Variants in TNRC18 observed in about 807,000 individuals in gnomAD.
TNRC18 encodes the protein trinucleotide repeat-containing gene 18 protein.
A neutral mutation model predicts 226.7 loss-of-function variants in TNRC18; 69 were observed. The ratio of observed to expected loss-of-function variants is 0.30; its 90% CI spans 0.25 to 0.37. TNRC18 has a LOEUF of 0.37. TNRC18 is among the 10% of genes least tolerant of loss of function. TNRC18 has a pLI of 1.00. For synonymous variants in TNRC18, 2,449 were observed against 1,927.6 expected (o/e 1.27, Z -7.09); for missense variants, 4,754 against 4,256.6 (o/e 1.12, Z -3.25).
chr7:5,377,354 C>A lies in TNRC18; in HGVS notation c.2461+17G>T. 1 of 1,526,980 alleles carries A rather than the reference C, an allele frequency of 6.5e-7. No individual in the cohort carries two copies. Among genetic ancestry groups the A allele is most frequent in the East Asian group, 2.4e-5 (1 of 41,508 alleles). 94.6% of individuals were successfully genotyped at this position (1,526,980 alleles called of 1,614,324 possible). A position where few individuals can be genotyped will look rare whatever the true frequency, so the allele number is the denominator to read the frequency against. On this transcript the variant is annotated intron_variant, in intron 7 of 29. Transcript: ENST00000430969. This position sits in a 1 kb window ranked among gnomAD's most constrained non-coding sequence, Gnocchi z 5.8. ...CCTCCCTCAGAGAAGGGGAGAGACCCTGTGCCCCACACTCACCGTAGGGGT... is the reference window on the plus strand; with the variant it reads ...CCTCCCTCAGAGAAGGGGAGAGACCATGTGCCCCACACTCACCGTAGGGGT...
At chr7:5,337,551 T>A (rs147721661) in intron 18 of TNRC18, among the ~76,000 whole-genome samples, 29 of 149,964 alleles carry the variant, frequency 1.9e-4, no homozygotes, top group African/African-American at 6.6e-4. Flanking sequence ...CTAAATGAAG[T>A]TCTTTGGGCT....
intron 3 of TNRC18, among the ~76,000 whole-genome samples, chr7:5,392,978 C>T (rs771683437): frequency 3.9e-5 from 6 of 152,182 alleles, no homozygotes; most frequent in Non-Finnish European, 7.3e-5. Flanking sequence ...CACCACTGCA[C>T]TCCAGTCTGG....
intron 11 of TNRC18, 119 bp downstream of exon 11, chr7:5,370,256 G>A: frequency 8.2e-7 from 1 of 1,222,050 alleles, no homozygotes. Flanking sequence ...CCAGGAGTTT[G>A]AGGCTGCAGT....
chr7:5,401,672 T>G (rs536916407), intron 2 of TNRC18, among the ~76,000 whole-genome samples: 1 of 152,340 alleles, frequency 6.6e-6, no homozygotes, highest in Admixed American at 6.5e-5. Context: ...AATAAAACTT[T>G]ATTTACAAAA....
chr7:5,372,224 T>C (rs1794223729), intron 10 of TNRC18, among the ~76,000 whole-genome samples: 1 of 150,728 alleles, frequency 6.6e-6, no homozygotes, highest in African/African-American at 2.4e-5. Context: ...CCCGCCACCA[T>C]GCCTGGCTAA....
intron 12 of TNRC18, 102 bp from the exon 13 acceptor site, chr7:5,362,135 G>T: frequency 7.0e-7 from 1 of 1,424,736 alleles, no homozygotes. Context: ...AGACTGCACT[G>T]GGAGCTGGGG....
intron 2 of TNRC18, among the ~76,000 whole-genome samples, chr7:5,401,487 C>T (rs1781088179): frequency 6.6e-6 from 1 of 152,172 alleles, no homozygotes; most frequent in African/African-American, 2.4e-5. Flanking sequence ...GCAACTTACC[C>T]TGCCACGCCC....
chr7:5,362,355 C>G (rs1341340469), intron 12 of TNRC18, among the ~76,000 whole-genome samples: 4 of 152,264 alleles, frequency 2.6e-5, no homozygotes, highest in Non-Finnish European at 5.9e-5. Context: ...AGCCCCAGGC[C>G]CCGTGGGCAC....
At position 5,377,338 on chromosome 7, in the gene TNRC18, G is replaced by A; in HGVS notation, c.2461+33C>T. ...CCCGCCCCCTCCCACCCCTCCCTCA[G>A]AGAAGGGGAGAGACCCTGTGCCCCA... is the stretch of plus-strand genomic sequence containing the variant. On this transcript the variant is annotated intron_variant, in intron 7 of 29. Transcript: ENST00000430969. This position sits in a 1 kb window ranked among gnomAD's most constrained non-coding sequence, Gnocchi z 5.8. 6 of 544,492 alleles carry A rather than the reference G, an allele frequency of 1.1e-5. No individual in the cohort carries two copies. Among genetic ancestry groups the A allele is most frequent in the Non-Finnish European group, 1.9e-5 (6 of 311,562 alleles). 33.7% of individuals were successfully genotyped at this position (544,492 alleles called of 1,614,324 possible).
chr7:5,321,056 C>A lies in TNRC18; in HGVS notation c.6560+17G>T, dbSNP rs775412575. The A allele has an allele frequency of 4.7e-5, 72 of 1,522,344 alleles. No homozygotes were observed. In the Middle Eastern group the frequency reaches 6.8e-4, roughly 14 times the overall value. The allele number at this position is 1,522,344 out of a possible 1,614,324, so 94.3% of individuals were successfully genotyped here. A position where few individuals can be genotyped will look rare whatever the true frequency, so the allele number is the denominator to read the frequency against. On this transcript the variant is annotated intron_variant, in intron 22 of 29. Transcript: ENST00000430969. ...ATGGGACACGGGGCTCTGTGCCGGA[C>A]CTCCCACCCCACTCACATGTCTGGC...
At position 5,312,855 on chromosome 7, in the gene TNRC18, C is replaced by T; in HGVS notation, c.8036G>A (p.Cys2679Tyr). 2.6e-6 allele frequency: 4 copies of T among 1,525,556 alleles called. No individual in the cohort carries two copies. The highest frequency in any genetic ancestry group is 2.6e-6 in the Non-Finnish European group (3 of 1,136,760). The allele number at this position is 1,525,556 out of a possible 1,614,324, so 94.5% of individuals were successfully genotyped here. The stretch of plus-strand genomic sequence containing the variant: ...GGGGGCTGCCTCATCGTCCGAGCTG[C>T]AGGAAGAGTCCTCGTCTGTGGTGGA... Reference protein sequence around the residue: ...SSSTTDEDSSCSSDDEAAPAP... With the variant: ...SSSTTDEDSSYSSDDEAAPAP... The change falls in exon 27 of 30, where the codon TGC becomes TAC. Residue 2679 changes from cysteine to tyrosine, a missense_variant. Transcript: ENST00000430969. The surrounding 1 kb of genome is among the most constrained non-coding windows in gnomAD (Gnocchi z 6.3).
chr7:5,333,871 A>G (rs570561245), intron 18 of TNRC18, among the ~76,000 whole-genome samples: 4 of 152,246 alleles, frequency 2.6e-5, no homozygotes, highest in South Asian at 4.1e-4. Context: ...ACACCTTCGC[A>G]TTTCTGTCCA....
intron 2 of TNRC18, among the ~76,000 whole-genome samples, chr7:5,396,581 G>C (rs567207747): frequency 1.3e-4 from 20 of 152,258 alleles, no homozygotes; most frequent in African/African-American, 4.8e-4. Context: ...CTAAAAGCTG[G>C]AATGCACCAG....
intron 18 of TNRC18, among the ~76,000 whole-genome samples, chr7:5,335,844 A>AT (rs1157235838): frequency 6.2e-5 from 2 of 32,032 alleles, no homozygotes; most frequent in African/African-American, 1.3e-4. Context: ...GGAAAAAAAA[A>AT]AAAAAAAAAA....
At chr7:5,408,712 C>T (rs540052494) in intron 2 of TNRC18, among the ~76,000 whole-genome samples, 1 of 152,220 alleles carries the variant, frequency 6.6e-6, no homozygotes, top group East Asian at 1.9e-4. Flanking sequence ...CGGCCTGGCA[C>T]AGTGGAGAGT....
intron 10 of TNRC18, among the ~76,000 whole-genome samples, chr7:5,372,671 C>T (rs1008659460): frequency 1.3e-5 from 2 of 152,032 alleles, no homozygotes; most frequent in African/African-American, 4.8e-5. Context: ...GCTATGATGG[C>T]ACCACTGCAC....
intron 17 of TNRC18, 92 bp downstream of exon 17, chr7:5,351,727 C>T: frequency 7.1e-7 from 1 of 1,405,826 alleles, no homozygotes; most frequent in South Asian, 1.5e-5. Context: ...CCCACCATCT[C>T]TCCCGTGCGC....
intron 18 of TNRC18, among the ~76,000 whole-genome samples, chr7:5,342,722 C>G (rs564336961): frequency 6.6e-6 from 1 of 152,328 alleles, no homozygotes; most frequent in Admixed American, 6.5e-5. Flanking sequence ...GAATATTGCA[C>G]AAGCTTAGCC....
chr7:5,386,574 C>CA (rs113287458), intron 5 of TNRC18, among the ~76,000 whole-genome samples: 55,040 of 132,738 alleles, frequency 0.41, 12,378 homozygotes, highest in African/African-American at 0.65. Flanking sequence ...ACTCTGTCTC[C>CA]AAAAAAAAAA....
Sources: allele counts gnomAD v4.1 joint callset (sites outside exome capture counted in the v4.1 genomes callset), GRCh38; gene constraint gnomAD v4.1.1; non-coding constraint Gnocchi (gnomAD v3.1); transcripts MANE v1.5; gene names NCBI Gene and HGNC (gene_info 2026-07-23, HGNC 2026-07-21).